ZMAT4: variants seen among roughly 807,000 people sequenced by gnomAD.
ZMAT4 encodes the protein zinc finger matrin-type protein 4.
In ZMAT4, 17 loss-of-function variants were observed where a neutral mutation model predicts 28.7. The ratio of observed to expected loss-of-function variants is 0.59; its 90% CI spans 0.41 to 0.89. The LOEUF (loss-of-function observed/expected upper bound fraction) is 0.89. Ranked by LOEUF, ZMAT4 falls within the 40% of genes least tolerant of loss-of-function variation. ZMAT4 has a pLI of 0.00. For synonymous variants in ZMAT4, 117 were observed against 109.2 expected (o/e 1.07, Z -0.44); for missense variants, 240 against 283.8 (o/e 0.85, Z 1.11).
chr8:40,581,630 T>C (rs1175641954), intron 5 of ZMAT4, among the ~76,000 whole-genome samples: 2 of 152,170 alleles, frequency 1.3e-5, no homozygotes, highest in South Asian at 4.1e-4. Flanking sequence ...AGAGAAAAAC[T>C]CTATCCTAAT....
chr8:40,844,982 G>C (rs1816831979), intron 1 of ZMAT4, among the ~76,000 whole-genome samples: 1 of 152,132 alleles, frequency 6.6e-6, no homozygotes, highest in African/African-American at 2.4e-5. Context: ...TCCACTGGGT[G>C]ACCTCACGAC....
intron 4 of ZMAT4, among the ~76,000 whole-genome samples, chr8:40,682,255 C>T (rs1056371825): frequency 9.2e-5 from 14 of 152,182 alleles, no homozygotes; most frequent in African/African-American, 3.1e-4. Context: ...TGCTTAGGGA[C>T]CTTGTGGTGC....
intron 3 of ZMAT4, among the ~76,000 whole-genome samples, chr8:40,715,687 A>G (rs1335726198): frequency 6.6e-6 from 1 of 152,280 alleles, no homozygotes; most frequent in Non-Finnish European, 1.5e-5. Context: ...GCTTTACGAG[A>G]TAAGATCTCC....
intron 5 of ZMAT4, among the ~76,000 whole-genome samples, chr8:40,604,807 T>C (rs1805523466): frequency 6.6e-6 from 1 of 152,226 alleles, no homozygotes; most frequent in African/African-American, 2.4e-5. Context: ...GTATCAATTC[T>C]TCTATGAATG....
chr8:40,884,201 C>T (rs376958453), intron 1 of ZMAT4, among the ~76,000 whole-genome samples: 2 of 141,842 alleles, frequency 1.4e-5, no homozygotes, highest in African/African-American at 5.1e-5. Flanking sequence ...CCCACCCCAT[C>T]ACATGGCCTC....
intron 6 of ZMAT4, among the ~76,000 whole-genome samples, chr8:40,572,594 A>G (rs78202001): frequency 0.11 from 16,997 of 152,134 alleles, 1,237 homozygotes; most frequent in Admixed American, 0.2. Flanking sequence ...TTGTTCATTA[A>G]TCTATGGTAC....
intron 1 of ZMAT4, among the ~76,000 whole-genome samples, chr8:40,897,172 A>G (rs185906081): frequency 1.2e-3 from 177 of 152,208 alleles, no homozygotes; most frequent in Non-Finnish European, 2.1e-3. Context: ...TCCACCAAAT[A>G]AAATGAACTG....
At chr8:40,845,961 C>G (rs1327011294) in intron 1 of ZMAT4, among the ~76,000 whole-genome samples, 1 of 152,096 alleles carries the variant, frequency 6.6e-6, no homozygotes, top group Non-Finnish European at 1.5e-5. Context: ...CAGGACTTCT[C>G]CTAATCTGTG....
chr8:40,570,849 T>C (rs1164883303), intron 6 of ZMAT4, among the ~76,000 whole-genome samples: 4 of 152,162 alleles, frequency 2.6e-5, no homozygotes, highest in Non-Finnish European at 4.4e-5. Context: ...GCCAGGTCTA[T>C]AAGGCTCCAC....
intron 4 of ZMAT4, among the ~76,000 whole-genome samples, chr8:40,686,543 A>T (rs1343995132): frequency 6.6e-6 from 1 of 152,066 alleles, no homozygotes; most frequent in African/African-American, 2.4e-5. Context: ...CTGAGGTGAG[A>T]GATTCCTTTG....
intron 2 of ZMAT4, among the ~76,000 whole-genome samples, chr8:40,801,351 A>AAAATAT (rs370796453): frequency 1.1e-4 from 11 of 97,258 alleles, no homozygotes; most frequent in South Asian, 3.4e-4. Flanking sequence ...TAAAAAAAAA[A>AAAATAT]ATATATATAT....
At chr8:40,627,928 T>G (rs1368496239) in intron 5 of ZMAT4, among the ~76,000 whole-genome samples, 2 of 152,114 alleles carry the variant, frequency 1.3e-5, no homozygotes, top group African/African-American at 4.8e-5. Flanking sequence ...TTTGTCTCTG[T>G]AGTGAGAGGG....
At chr8:40,890,046 CTT>C (rs548364917) in intron 1 of ZMAT4, among the ~76,000 whole-genome samples, 72 of 152,286 alleles carry the variant, frequency 4.7e-4, no homozygotes, top group African/African-American at 1.2e-3. Context: ...ATAACGATAA[CTT>C]GTTTTAATTT....
intron 1 of ZMAT4, among the ~76,000 whole-genome samples, chr8:40,874,223 C>T (rs1005240816): frequency 1.3e-5 from 2 of 152,174 alleles, no homozygotes; most frequent in Non-Finnish European, 2.9e-5. Context: ...AGTGCTCCTC[C>T]AGAGGCAGAA....
At position 40,727,911 on chromosome 8, in the gene ZMAT4, T is replaced by A. The variant is rs779269556; in HGVS notation, c.193-30510A>T. On this transcript the variant is annotated intron_variant, in intron 3 of 6. Coordinates refer to ENST00000297737, the MANE Select transcript of ZMAT4 (RefSeq NM_024645.3). Reference sequence around the variant, plus strand: ...AAGTATTTGAATAACATTTTATTTATTTTTTATAAGCTGAATTTTTATGCA... The same window carrying A: ...AAGTATTTGAATAACATTTTATTTAATTTTTATAAGCTGAATTTTTATGCA... 3.3e-5 allele frequency among the ~76,000 whole-genome samples: 5 copies of A among 152,334 alleles called. No individual in the cohort carries two copies. The South Asian group carries it at 8.3e-4, about 25-fold the overall frequency.
chr8:40,657,781 A>G (rs1807992067), intron 5 of ZMAT4, among the ~76,000 whole-genome samples: 1 of 152,208 alleles, frequency 6.6e-6, no homozygotes, highest in African/African-American at 2.4e-5. Flanking sequence ...GCTTTCGCTT[A>G]AAGTCTCAGT....
chr8:40,661,698 G>A (rs1808202127), intron 5 of ZMAT4, among the ~76,000 whole-genome samples: 1 of 152,252 alleles, frequency 6.6e-6, no homozygotes, highest in East Asian at 1.9e-4. Context: ...CTCTTGTTTT[G>A]TCAAATGAAT....
intron 4 of ZMAT4, among the ~76,000 whole-genome samples, chr8:40,693,895 A>G (rs1018383551): frequency 3.3e-5 from 5 of 152,172 alleles, no homozygotes; most frequent in African/African-American, 1.2e-4. Flanking sequence ...CCAACTGCTC[A>G]CCCTCATCAG....
intron 4 of ZMAT4, among the ~76,000 whole-genome samples, chr8:40,684,683 T>C (rs569007505): frequency 6.8e-4 from 104 of 152,324 alleles, no homozygotes; most frequent in South Asian, 2.5e-3. Flanking sequence ...TGAATATTTA[T>C]AGAGAATTCA....
Sources: gnomAD v4.1 joint callset for allele counts (sites outside exome capture counted in the v4.1 genomes callset) on GRCh38, gnomAD v4.1.1 for gene constraint, MANE v1.5 for transcripts, NCBI Gene and HGNC (gene_info 2026-07-23, HGNC 2026-07-21) for gene names.